Variants in RPS6KA2 observed in about 807,000 individuals in gnomAD.
RPS6KA2 encodes the protein ribosomal protein S6 kinase A2, also known as ribosomal protein S6 kinase alpha-2.
Under a neutral mutation model 91.8 loss-of-function variants are expected in RPS6KA2, and 42 were observed. The observed-to-expected ratio is 0.46, with a 90% CI of 0.36 to 0.59. RPS6KA2 has a LOEUF of 0.59. Among genes scored for constraint, RPS6KA2 ranks in the 20% least tolerant of loss-of-function variants. The pLI, the probability that RPS6KA2 is intolerant of heterozygous loss-of-function variation, is 0.00. For synonymous variants in RPS6KA2, 414 were observed against 393.6 expected (o/e 1.05, Z -0.61); for missense variants, 798 against 978.5 (o/e 0.82, Z 2.46).
intron 1 of RPS6KA2, among the ~76,000 whole-genome samples, chr6:166,593,515 C>T (rs1161988044): frequency 6.6e-6 from 1 of 152,134 alleles, no homozygotes; most frequent in Non-Finnish European, 1.5e-5. Flanking sequence ...GTCCACAAAT[C>T]TCAGAATGGT....
chr6:166,577,723 T>A (rs1324420625), intron 1 of RPS6KA2, among the ~76,000 whole-genome samples: 1 of 152,158 alleles, frequency 6.6e-6, no homozygotes, highest in Admixed American at 6.5e-5. Context: ...GACTTTTGGG[T>A]TAATGCTGAA....
chr6:166,833,183 C>A (rs1280685061), intron 2 of RPS6KA2, among the ~76,000 whole-genome samples: 1 of 152,124 alleles, frequency 6.6e-6, no homozygotes, highest in Non-Finnish European at 1.5e-5. Context: ...TAGAAAAGGC[C>A]AAAGTGGTGA....
chr6:166,440,164 A>G (rs1213541496), intron 14 of RPS6KA2: 1 of 152,222 alleles, frequency 6.6e-6, no homozygotes, highest in Non-Finnish European at 1.5e-5. Context: ...ATTCCTAAAC[A>G]ATAGGAAACT....
chr6:166,562,960 C>T (rs1050212205), intron 1 of RPS6KA2, among the ~76,000 whole-genome samples: 4 of 152,144 alleles, frequency 2.6e-5, no homozygotes, highest in East Asian at 1.9e-4. Context: ...ACAGGCGCCC[C>T]GGCGGGACAG....
intron 1 of RPS6KA2, among the ~76,000 whole-genome samples, chr6:166,572,868 G>A (rs1315151635): frequency 2.6e-5 from 4 of 152,242 alleles, no homozygotes; most frequent in Admixed American, 6.5e-5. Flanking sequence ...GAATCTGCAC[G>A]TTCGGGTCTA....
chr6:166,646,588 G>A (rs959147259), intron 2 of RPS6KA2, among the ~76,000 whole-genome samples: 2 of 152,234 alleles, frequency 1.3e-5, no homozygotes, highest in African/African-American at 2.4e-5. Context: ...CCCCTGACAC[G>A]CTCCTTCCTG....
rs1485463832 is a variant in RPS6KA2, at chr6:166,825,352, C to T, written c.123+32848G>A. Among the ~76,000 whole-genome samples the T allele has an allele frequency of 6.6e-6, 1 of 152,220 alleles. No individual in the cohort carries two copies. Among genetic ancestry groups the T allele is most frequent in the African/African-American group, 2.4e-5 (1 of 41,460 alleles). On this transcript the variant is annotated intron_variant, in intron 2 of 21. Transcript: ENST00000503859. The surrounding 1 kb of genome is among the most constrained non-coding windows in gnomAD (Gnocchi z 4.1). ...ATTCTGAAGAGAATAACTTTAACCTCTCATTCCCAGGTAACGCCTGGAGTT... is the reference window on the plus strand; with the variant it reads ...ATTCTGAAGAGAATAACTTTAACCTTTCATTCCCAGGTAACGCCTGGAGTT...
At chr6:166,522,347 G>A (rs550548852) in intron 3 of RPS6KA2, among the ~76,000 whole-genome samples, 44 of 152,328 alleles carry the variant, frequency 2.9e-4, no homozygotes, top group African/African-American at 9.4e-4. Context: ...AGTGGATGCC[G>A]CACTGACCGT....
intron 2 of RPS6KA2, among the ~76,000 whole-genome samples, chr6:166,719,819 C>T (rs2128583996): frequency 6.6e-6 from 1 of 152,336 alleles, no homozygotes; most frequent in South Asian, 2.1e-4. Context: ...CAACAAGCAT[C>T]ATCCTAGTTA....
intron 12 of RPS6KA2, among the ~76,000 whole-genome samples, chr6:166,456,258 G>A (rs1448856388): frequency 6.6e-6 from 1 of 152,202 alleles, no homozygotes; most frequent in Non-Finnish European, 1.5e-5. Flanking sequence ...AAGTTAAGAG[G>A]CTGACATTTG....
At chr6:166,772,505 C>T (rs1450319453) in intron 2 of RPS6KA2, among the ~76,000 whole-genome samples, 1 of 152,194 alleles carries the variant, frequency 6.6e-6, no homozygotes, top group Admixed American at 6.5e-5. Flanking sequence ...CAACAAATTG[C>T]CAATTTTAAG....
At chr6:166,717,993 T>C (rs6456107) in intron 2 of RPS6KA2, among the ~76,000 whole-genome samples, 137,526 of 152,118 alleles carry the variant, frequency 0.9, 62,252 homozygotes, top group East Asian at 0.96. Flanking sequence ...GGATTACAGG[T>C]GCCCGCTACC....
intron 2 of RPS6KA2, among the ~76,000 whole-genome samples, chr6:166,706,482 G>A (rs949842441): frequency 1.6e-4 from 24 of 152,242 alleles, no homozygotes; most frequent in Admixed American, 5.2e-4. Context: ...GTTGGTGAGC[G>A]TGGGAAGGAA....
Position 166,588,113 on chromosome 6 carries a change from A to G in RPS6KA2, c.99+38808T>C, listed in dbSNP as rs138111332. ...CAGGGGACCTTCGTTTTGCTCCCCA[A>G]TGTACACACTGTGCTGGGGTCTGAA... On this transcript the variant is annotated intron_variant, in intron 1 of 20. Coordinates refer to ENST00000265678, the MANE Select transcript of RPS6KA2 (RefSeq NM_021135.6). 8.0e-3 allele frequency among the ~76,000 whole-genome samples: 1,225 copies of G among 152,322 alleles called. 6 individuals are homozygous for G. Among genetic ancestry groups the G allele is most frequent in the Non-Finnish European group, 0.013 (913 of 68,020 alleles).
In RPS6KA2 at chr6:166,435,890, G is replaced by A. The variant is rs556666866; in HGVS notation, c.1333-3400C>T. On this transcript the variant is annotated intron_variant, in intron 14 of 20. Coordinates refer to ENST00000265678, the MANE Select transcript of RPS6KA2 (RefSeq NM_021135.6). The surrounding 1 kb of genome is among the most constrained non-coding windows in gnomAD (Gnocchi z 4.3). ...GGAGGCCACGTGCTGCGTGGTTGGC[G>A]GCCCAGCCGCTGAGCCAGTCTGAGC... Among the ~76,000 whole-genome samples, 5 of 152,324 alleles carry A rather than the reference G, an allele frequency of 3.3e-5. No individual in the cohort carries two copies. The highest frequency in any genetic ancestry group is 4.1e-4 in the South Asian group (2 of 4,828).
chr6:166,572,633 G>A (rs112213984), intron 1 of RPS6KA2, among the ~76,000 whole-genome samples: 11 of 152,308 alleles, frequency 7.2e-5, no homozygotes, highest in African/African-American at 2.4e-4. Flanking sequence ...GCTCCTCCAC[G>A]CTCCACTGGT....
intron 2 of RPS6KA2, among the ~76,000 whole-genome samples, chr6:166,782,898 C>T (rs1778807170): frequency 6.7e-6 from 1 of 149,780 alleles, no homozygotes; most frequent in South Asian, 2.1e-4. Flanking sequence ...TCTGGGTGAT[C>T]ATGGAGGCCA....
intron 1 of RPS6KA2, among the ~76,000 whole-genome samples, chr6:166,616,403 G>T (rs571112143): frequency 0.063 from 9,625 of 152,096 alleles, 945 homozygotes; most frequent in African/African-American, 0.21. Flanking sequence ...ACCACTAACG[G>T]GACCCGCCCT....
intron 3 of RPS6KA2, among the ~76,000 whole-genome samples, chr6:166,518,841 G>T (rs1583232745): frequency 6.6e-6 from 1 of 152,366 alleles, no homozygotes; most frequent in Admixed American, 6.5e-5. Context: ...CTCAGCATAT[G>T]AAATACTAGG....
Sources: gnomAD v4.1 joint callset for allele counts (sites outside exome capture counted in the v4.1 genomes callset) on GRCh38, gnomAD v4.1.1 for gene constraint, Gnocchi (gnomAD v3.1) non-coding constraint, MANE v1.5 for transcripts, NCBI Gene and HGNC (gene_info 2026-07-23, HGNC 2026-07-21) for gene names.